Variants in PAPPA2 observed in about 807,000 individuals in gnomAD.
PAPPA2 encodes pappalysin-2.
In PAPPA2, 86 loss-of-function variants were observed where a neutral mutation model predicts 176.4. The ratio of observed to expected loss-of-function variants is 0.49; its 90% CI spans 0.41 to 0.58. The LOEUF (loss-of-function observed/expected upper bound fraction) is 0.58. Ranked by LOEUF, PAPPA2 falls within the 20% of genes least tolerant of loss-of-function variation. The pLI is 0.00. For missense variants in PAPPA2, 2,073 were observed against 2,256.9 expected, an observed-to-expected ratio of 0.92 and a Z score of 1.65; for synonymous variants, 809 against 852.2, an observed-to-expected ratio of 0.95 and a Z score of 0.88.
intron 14 of PAPPA2, among the ~76,000 whole-genome samples, chr1:176,740,404 G>T (rs1293403565): frequency 6.6e-6 from 1 of 152,122 alleles, no homozygotes; most frequent in Non-Finnish European, 1.5e-5. Flanking sequence ...TTCCTTAGCT[G>T]ACCATAATTT....
At chr1:176,696,543 T>C (rs1415612851) in intron 7 of PAPPA2, among the ~76,000 whole-genome samples, 2 of 152,220 alleles carry the variant, frequency 1.3e-5, no homozygotes, top group African/African-American at 4.8e-5. Flanking sequence ...AGTCACACAT[T>C]CACTCACATA....
At chr1:176,557,872 C>G (rs1290947490) in intron 2 of PAPPA2, among the ~76,000 whole-genome samples, 1 of 152,164 alleles carries the variant, frequency 6.6e-6, no homozygotes, top group Non-Finnish European at 1.5e-5. Flanking sequence ...ACTTACAAGC[C>G]AAGATCCTGA....
chr1:176,599,508 C>CTT (rs10592905), intron 3 of PAPPA2, among the ~76,000 whole-genome samples: 2 of 129,266 alleles, frequency 1.5e-5, no homozygotes, highest in South Asian at 2.5e-4. Context: ...GTTTGTTCTA[C>CTT]TTTTTTTTTT....
intron 1 of PAPPA2, among the ~76,000 whole-genome samples, chr1:176,502,161 A>G: frequency 6.6e-6 from 1 of 152,192 alleles, no homozygotes; most frequent in East Asian, 1.9e-4. Context: ...CATCTGATTC[A>G]AGACTTGATA....
chr1:176,520,606 A>G (rs1313185169), intron 1 of PAPPA2, among the ~76,000 whole-genome samples: 1 of 152,174 alleles, frequency 6.6e-6, no homozygotes, highest in Admixed American at 6.5e-5. Flanking sequence ...AGGTGAACTC[A>G]TGTTTTTTGG....
chr1:176,685,730 C>T (rs1185945380), intron 4 of PAPPA2, among the ~76,000 whole-genome samples: 1 of 152,312 alleles, frequency 6.6e-6, no homozygotes, highest in East Asian at 1.9e-4. Context: ...AAGGGATTGC[C>T]ACTCTAACCA....
intron 3 of PAPPA2, among the ~76,000 whole-genome samples, chr1:176,596,083 G>A (rs1558461756): frequency 1.3e-5 from 2 of 152,214 alleles, no homozygotes; most frequent in South Asian, 2.1e-4. Context: ...CAGCAGTTTC[G>A]TAAAGTTTCG....
chr1:176,482,689 A>T (rs2102481660), intron 1 of PAPPA2, among the ~76,000 whole-genome samples: 1 of 152,260 alleles, frequency 6.6e-6, no homozygotes, highest in African/African-American at 2.4e-5. Flanking sequence ...TGGCAAGATG[A>T]CTGCTAGTAT....
At chr1:176,517,163 C>T (rs1036412139) in intron 1 of PAPPA2, among the ~76,000 whole-genome samples, 1 of 152,146 alleles carries the variant, frequency 6.6e-6, no homozygotes, top group African/African-American at 2.4e-5. Flanking sequence ...CATTAAAAAG[C>T]CAGCACTGCA....
At chr1:176,701,698 A>C (rs1316050026) in intron 8 of PAPPA2, among the ~76,000 whole-genome samples, 1 of 152,184 alleles carries the variant, frequency 6.6e-6, no homozygotes, top group Non-Finnish European at 1.5e-5. Flanking sequence ...CCATGGCAGA[A>C]TACTGATGGC....
rs111906977 is a variant in PAPPA2, at chr1:176,702,776, T to A, written c.3365+41T>A. Reference sequence around the variant, plus strand: ...GTGTGTGTGTGTGTGTGTGTGTGTGTGAGAGAGAGAGAGAGAGAGAGAGAG... The same window carrying A: ...GTGTGTGTGTGTGTGTGTGTGTGTGAGAGAGAGAGAGAGAGAGAGAGAGAG... On this transcript the variant is annotated intron_variant, in intron 9 of 22. Coordinates refer to ENST00000367662, the MANE Select transcript of PAPPA2 (RefSeq NM_020318.3). The A allele has an allele frequency of 0.013, 14,772 of 1,135,416 alleles. 23 individuals carry two copies. Among genetic ancestry groups the A allele is most frequent in the African/African-American group, 0.016 (816 of 49,986 alleles). 70.3% of individuals were successfully genotyped at this position (1,135,416 alleles called of 1,614,324 possible). A position where few individuals can be genotyped will look rare whatever the true frequency, so the allele number is the denominator to read the frequency against.
At chr1:176,496,261 T>C (rs1441534226) in intron 1 of PAPPA2, among the ~76,000 whole-genome samples, 2 of 152,168 alleles carry the variant, frequency 1.3e-5, no homozygotes, top group Admixed American at 6.6e-5. Flanking sequence ...GTAGTAGCCA[T>C]TTTTTTCTTT....
rs537912644 is a variant in PAPPA2, at chr1:176,718,170, T to C, written c.3798+6189T>C. 3.9e-5 allele frequency among the ~76,000 whole-genome samples: 6 copies of C among 152,240 alleles called. No individual in the cohort carries two copies. In the East Asian group the frequency reaches 1.2e-3, roughly 29 times the overall value. ...CTATCTTAAGTCAATTTTAATAAGT[T>C]GGGTTTTTCAAATAATTTGTCCCTT... On this transcript the variant is annotated intron_variant, in intron 12 of 22. Transcript: ENST00000367662.
At chr1:176,533,170 C>T (rs1471926268) in intron 1 of PAPPA2, among the ~76,000 whole-genome samples, 1 of 152,214 alleles carries the variant, frequency 6.6e-6, no homozygotes, top group African/African-American at 2.4e-5. Context: ...AGCCTATGAG[C>T]CTCCCTCTTC....
At chr1:176,816,499 T>C (rs1015202965) in intron 21 of PAPPA2, among the ~76,000 whole-genome samples, 1 of 151,826 alleles carries the variant, frequency 6.6e-6, no homozygotes. Context: ...TTTAGGTTTC[T>C]GCTTTCCTGC....
intron 1 of PAPPA2, among the ~76,000 whole-genome samples, chr1:176,496,091 T>A (rs528817613): frequency 8.7e-4 from 133 of 152,318 alleles, no homozygotes; most frequent in African/African-American, 2.0e-3. Flanking sequence ...ACAACTTTTT[T>A]AAATTTTATT....
intron 17 of PAPPA2, among the ~76,000 whole-genome samples, chr1:176,784,211 C>T (rs138131401): frequency 6.6e-6 from 1 of 152,274 alleles, no homozygotes; most frequent in African/African-American, 2.4e-5. Context: ...CTGGTAAGGG[C>T]CTGTTTGTCT....
chr1:176,676,393 C>T (rs563335193), intron 4 of PAPPA2, among the ~76,000 whole-genome samples: 1 of 151,886 alleles, frequency 6.6e-6, no homozygotes, highest in East Asian at 1.9e-4. Flanking sequence ...CAATGAAATA[C>T]TACTCAACGA....
At chr1:176,530,647 T>C (rs1015249747) in intron 1 of PAPPA2, among the ~76,000 whole-genome samples, 1 of 152,198 alleles carries the variant, frequency 6.6e-6, no homozygotes, top group Middle Eastern at 3.4e-3. Context: ...CCTTAAATTA[T>C]GTGGTAGAAA....
Sources: allele counts gnomAD v4.1 joint callset (sites outside exome capture counted in the v4.1 genomes callset), GRCh38; gene constraint gnomAD v4.1.1; transcripts MANE v1.5; gene names NCBI Gene and HGNC (gene_info 2026-07-23, HGNC 2026-07-21).